Variants in RAB27B observed in about 807,000 individuals in gnomAD.
RAB27B encodes the protein RAB27B, member RAS oncogene family, also known as ras-related protein Rab-27B.
RAB27B carries 15 observed loss-of-function variants against 24.6 expected under a neutral mutation model. The ratio of observed to expected loss-of-function variants is 0.61; its 90% CI spans 0.41 to 0.94. The LOEUF (loss-of-function observed/expected upper bound fraction) is 0.94, where lower values mean the gene tolerates loss of function less well. Among genes scored for constraint, RAB27B ranks in the 40% least tolerant of loss-of-function variants. RAB27B has a pLI of 0.00. For synonymous variants in RAB27B, 105 were observed against 92.5 expected (o/e 1.14, Z -0.78); for missense variants, 261 against 266.8 (o/e 0.98, Z 0.15).
chr18:54,721,119 C>T (rs1257932165), intron 2 of RAB27B, among the ~76,000 whole-genome samples: 1 of 152,032 alleles, frequency 6.6e-6, no homozygotes, highest in African/African-American at 2.4e-5. Flanking sequence ...TTGTTGTTTC[C>T]AGAACTGGAT....
chr18:54,723,267 G>A (rs544108209), intron 2 of RAB27B, among the ~76,000 whole-genome samples: 7 of 152,148 alleles, frequency 4.6e-5, no homozygotes, highest in Admixed American at 3.3e-4. Context: ...ATCTACCTGC[G>A]GCTCTGAGGT....
At chr18:54,834,924 T>C (rs1910836474) in intron 1 of RAB27B, among the ~76,000 whole-genome samples, 1 of 151,736 alleles carries the variant, frequency 6.6e-6, no homozygotes. Flanking sequence ...AAAAATGAGA[T>C]TATGTATTAA....
intron 2 of RAB27B, among the ~76,000 whole-genome samples, chr18:54,778,194 C>G (rs956708053): frequency 1.3e-4 from 20 of 152,298 alleles, no homozygotes; most frequent in African/African-American, 4.8e-4. Flanking sequence ...CTAAGGTGCT[C>G]CAGGGTTAGC....
chr18:54,882,771 A>G (rs1912978835), intron 3 of RAB27B, among the ~76,000 whole-genome samples: 1 of 152,188 alleles, frequency 6.6e-6, no homozygotes, highest in South Asian at 2.1e-4. Context: ...GGATAGATGA[A>G]CAAAGATCAC....
At chr18:54,749,831 T>G (rs9962305) in intron 2 of RAB27B, among the ~76,000 whole-genome samples, 1 of 152,184 alleles carries the variant, frequency 6.6e-6, no homozygotes, top group Middle Eastern at 3.4e-3. Context: ...GGGTTGGTTG[T>G]TTTTTTGTTT....
chr18:54,845,917 A>C (rs1432651100), intron 1 of RAB27B, among the ~76,000 whole-genome samples: 1 of 152,240 alleles, frequency 6.6e-6, no homozygotes, highest in African/African-American at 2.4e-5. Context: ...ATTTGCAGGC[A>C]TATACAGAGT....
At chr18:54,789,515 G>T (rs1313809345) in intron 2 of RAB27B, among the ~76,000 whole-genome samples, 1 of 151,962 alleles carries the variant, frequency 6.6e-6, no homozygotes, top group African/African-American at 2.4e-5. Context: ...AAATATGTAT[G>T]TATACATGTT....
At chr18:54,880,552 G>A (rs1328908342) in intron 3 of RAB27B, 1 of 152,080 alleles carries the variant, frequency 6.6e-6, no homozygotes, top group Admixed American at 6.6e-5. Flanking sequence ...GAGGTGCTGG[G>A]CCCTCTCTGT....
At chr18:54,790,120 AAG>A (rs1909203951) in intron 2 of RAB27B, among the ~76,000 whole-genome samples, 1 of 152,256 alleles carries the variant, frequency 6.6e-6, no homozygotes, top group African/African-American at 2.4e-5. Context: ...CAGGAAAAAA[AAG>A]AGTATTTAAA....
intron 3 of RAB27B, among the ~76,000 whole-genome samples, chr18:54,882,781 C>T (rs1912979245): frequency 6.6e-6 from 1 of 152,182 alleles, no homozygotes; most frequent in African/African-American, 2.4e-5. Context: ...ACAAAGATCA[C>T]TTCCTGCAGA....
intron 2 of RAB27B, among the ~76,000 whole-genome samples, chr18:54,735,660 C>T (rs1172450273): frequency 6.6e-6 from 1 of 152,018 alleles, no homozygotes; most frequent in Non-Finnish European, 1.5e-5. Flanking sequence ...TTACAGGCAC[C>T]TGCCACCATA....
intron 2 of RAB27B, among the ~76,000 whole-genome samples, chr18:54,743,877 A>G (rs1910148515): frequency 6.6e-6 from 1 of 152,196 alleles, no homozygotes; most frequent in African/African-American, 2.4e-5. Flanking sequence ...GAGTGCCCTT[A>G]GGAAATCGAC....
intron 1 of RAB27B, among the ~76,000 whole-genome samples, chr18:54,862,063 A>G (rs1483391768): frequency 6.6e-6 from 1 of 152,178 alleles, no homozygotes; most frequent in Non-Finnish European, 1.5e-5. Context: ...TTTAAAGAAA[A>G]AAAAAAAAGC....
At position 54,889,332 on chromosome 18, in the gene RAB27B, A is replaced by G. The variant is rs1247669685; in HGVS notation, c.576A>G (p.Thr192=). The change falls in exon 6 of 6, where the codon ACA becomes ACG. Residue 192 remains threonine (T), a synonymous_variant. Transcript: ENST00000262094. ...MKRMEQCVEK[T]QIPDTVNGGN... is the part of the protein sequence containing the mutation. ...GAATGGAACAGTGTGTGGAGAAGAC[A>G]CAAATCCCTGATACTGTCAATGGTG... 6.2e-7 allele frequency: 1 copy of G among 1,613,476 alleles called. No individual in the cohort carries two copies. The highest frequency in any genetic ancestry group is 1.7e-5 in the Admixed American group (1 of 59,980).
chr18:54,849,763 T>C (rs1911484057), intron 1 of RAB27B, among the ~76,000 whole-genome samples: 1 of 152,026 alleles, frequency 6.6e-6, no homozygotes, highest in Non-Finnish European at 1.5e-5. Context: ...AGGGGATATA[T>C]AGAAATTATA....
intron 1 of RAB27B, among the ~76,000 whole-genome samples, chr18:54,832,852 G>A (rs1370449590): frequency 2.0e-5 from 3 of 152,000 alleles, no homozygotes; most frequent in African/African-American, 4.8e-5. Flanking sequence ...TTGGCAGCTC[G>A]GGAAAGAGAT....
rs1555670011 is a variant in RAB27B, at chr18:54,890,996, T to TA, written c.*1584dup. On this transcript the variant is annotated 3_prime_UTR_variant, in exon 6 of 6. Transcript: ENST00000262094. ...AAGACAATATATTTTCGTTTTTTTTTATTATGAGCATATGATTTTTTGACA... is the reference window on the plus strand; with the variant it reads ...AAGACAATATATTTTCGTTTTTTTTTAATTATGAGCATATGATTTTTTGACA... 6.6e-6 allele frequency: 1 copy of TA among 151,676 alleles called. No homozygotes were observed. The highest frequency in any genetic ancestry group is 1.5e-5 in the Non-Finnish European group (1 of 67,906). 9.4% of individuals were successfully genotyped at this position (151,676 alleles called of 1,614,324 possible).
chr18:54,829,230 G>A (rs1273481581), intron 1 of RAB27B, among the ~76,000 whole-genome samples: 1 of 152,092 alleles, frequency 6.6e-6, no homozygotes, highest in African/African-American at 2.4e-5. Context: ...TCTGATCTAA[G>A]TGTTGCACCA....
chr18:54,724,828 A>T (rs1217377564), intron 2 of RAB27B, among the ~76,000 whole-genome samples: 1 of 151,584 alleles, frequency 6.6e-6, no homozygotes, highest in East Asian at 1.9e-4. Context: ...TTTTAAGAGG[A>T]TGGAGAAGTT....
Sources: gnomAD v4.1 joint callset for allele counts (sites outside exome capture counted in the v4.1 genomes callset) on GRCh38, gnomAD v4.1.1 for gene constraint, MANE v1.5 for transcripts, NCBI Gene and HGNC (gene_info 2026-07-23, HGNC 2026-07-21) for gene names.